Variants in MYO16 observed in about 807,000 individuals in gnomAD.
The protein encoded by MYO16 is myosin XVI, also known as unconventional myosin-XVI.
In MYO16, 94 loss-of-function variants were observed where a neutral mutation model predicts 205.3. The observed-to-expected ratio is 0.46, with a 90% CI of 0.39 to 0.54. The LOEUF is 0.54. Ranked by LOEUF, MYO16 falls within the 20% of genes least tolerant of loss-of-function variation. The pLI is 0.00. For missense variants in MYO16, 2,315 were observed against 2,387.5 expected (o/e 0.97, Z 0.63); for synonymous variants, 988 against 954.0 (o/e 1.04, Z -0.66).
intron 9 of MYO16, among the ~76,000 whole-genome samples, chr13:108,838,665 CA>C (rs36195222): frequency 0.51 from 54,571 of 106,726 alleles, 14,356 homozygotes; most frequent in Middle Eastern, 0.65. Context: ...GAGACTGTCT[CA>C]AAAAAAAAAA....
intron 28 of MYO16, among the ~76,000 whole-genome samples, chr13:109,113,146 T>C (rs923413624): frequency 5.3e-5 from 8 of 152,216 alleles, no homozygotes; most frequent in Non-Finnish European, 8.8e-5. Flanking sequence ...GGAGAGTAAG[T>C]AAGCTTGAAT....
intron 16 of MYO16, among the ~76,000 whole-genome samples, chr13:108,930,517 A>C (rs1215005991): frequency 6.6e-6 from 1 of 152,234 alleles, no homozygotes; most frequent in African/African-American, 2.4e-5. Context: ...AAGTAAAAAA[A>C]GAAAAGTCAA....
chr13:108,895,164 T>C (rs1004908717), intron 14 of MYO16, among the ~76,000 whole-genome samples: 1 of 152,072 alleles, frequency 6.6e-6, no homozygotes, highest in Admixed American at 6.6e-5. Context: ...CCATGACTTA[T>C]ATAGGGACAT....
At chr13:108,687,911 A>G (rs1470626759) in intron 2 of MYO16, among the ~76,000 whole-genome samples, 1 of 152,164 alleles carries the variant, frequency 6.6e-6, no homozygotes, top group South Asian at 2.1e-4. Context: ...GGGACAAAGG[A>G]TATTTGGACT....
chr13:109,060,501 G>GGATGGA (rs1308500458), intron 27 of MYO16, among the ~76,000 whole-genome samples: 1 of 151,982 alleles, frequency 6.6e-6, no homozygotes, highest in Admixed American at 6.6e-5. Flanking sequence ...GGGGGCAAGG[G>GGATGGA]GACGGAGACC....
intron 11 of MYO16, among the ~76,000 whole-genome samples, chr13:108,865,544 G>A (rs1233593586): frequency 6.6e-6 from 1 of 151,332 alleles, no homozygotes; most frequent in African/African-American, 2.4e-5. Flanking sequence ...TATATGTTTA[G>A]GATGTTTCTC....
At chr13:108,911,558 G>A (rs550868316) in intron 16 of MYO16, among the ~76,000 whole-genome samples, 29 of 152,260 alleles carry the variant, frequency 1.9e-4, no homozygotes, top group Non-Finnish European at 3.4e-4. Context: ...AGAGTTGTAT[G>A]GGAAAGAGGG....
intron 23 of MYO16, among the ~76,000 whole-genome samples, chr13:109,044,901 G>T (rs1886990672): frequency 1.3e-5 from 2 of 152,102 alleles, no homozygotes. Context: ...TATTGGTCAG[G>T]CTGGTCTCAA....
chr13:109,048,756 T>C (rs1424083206), intron 24 of MYO16: 2 of 155,434 alleles, frequency 1.3e-5, no homozygotes, highest in Admixed American at 6.5e-5. Flanking sequence ...GCTTATAGTA[T>C]CTAATTCAAT....
intron 27 of MYO16, among the ~76,000 whole-genome samples, chr13:109,085,774 A>G (rs1351579390): frequency 6.6e-6 from 1 of 152,210 alleles, no homozygotes; most frequent in African/African-American, 2.4e-5. Flanking sequence ...AGGGACACTG[A>G]CGATGTGTAA....
intron 5 of MYO16, among the ~76,000 whole-genome samples, chr13:108,791,455 ATAT>A (rs1229837278): frequency 6.6e-6 from 1 of 152,242 alleles, no homozygotes; most frequent in Non-Finnish European, 1.5e-5. Context: ...AGCTAAATAC[ATAT>A]TATATGTTTT....
rs112937012 is a variant in MYO16, at chr13:109,095,926, A to G, written c.3336-4859A>G. Among the ~76,000 whole-genome samples the G allele has an allele frequency of 2.9e-3, 437 of 152,278 alleles. 4 individuals carry two copies. The highest frequency in any genetic ancestry group is 0.01 in the Middle Eastern group (3 of 294). Reference sequence around the variant, plus strand: ...TTGAGTTTTACTTTTTCAGTTTTTAAGGGTAAATCTTATCCTTTTCCACTC... The same window carrying G: ...TTGAGTTTTACTTTTTCAGTTTTTAGGGGTAAATCTTATCCTTTTCCACTC... On this transcript the variant is annotated intron_variant, in intron 27 of 34. Transcript: ENST00000457511.
intron 27 of MYO16, among the ~76,000 whole-genome samples, chr13:109,093,535 A>G (rs1237115989): frequency 2.6e-5 from 4 of 152,068 alleles, no homozygotes; most frequent in African/African-American, 9.7e-5. Context: ...CAGTCACAGT[A>G]TTTCCCTCCT....
the MYO16 span, among the ~76,000 whole-genome samples, chr13:108,533,683 T>A: frequency 6.6e-6 from 1 of 152,220 alleles, no homozygotes; most frequent in East Asian, 1.9e-4. Flanking sequence ...TTCTAATTTG[T>A]ATGCTTTCCT....
At chr13:109,176,852 C>T (rs1225753502) in intron 33 of MYO16, among the ~76,000 whole-genome samples, 1 of 152,006 alleles carries the variant, frequency 6.6e-6, no homozygotes, top group Admixed American at 6.5e-5. Context: ...CATGCGACCA[C>T]CTGCCCAAGC....
At chr13:108,932,940 T>A (rs2139295314) in intron 16 of MYO16, among the ~76,000 whole-genome samples, 1 of 152,192 alleles carries the variant, frequency 6.6e-6, no homozygotes, top group East Asian at 1.9e-4. Context: ...GCTGACAATA[T>A]CTACCCCATG....
At chr13:108,989,011 A>G (rs1450910463) in intron 20 of MYO16, among the ~76,000 whole-genome samples, 2 of 152,186 alleles carry the variant, frequency 1.3e-5, no homozygotes, top group African/African-American at 4.8e-5. Context: ...CTCTGCCCTT[A>G]AGGTTATTGG....
Position 108,823,260 on chromosome 13 carries a change from C to G in MYO16, c.1079C>G (p.Pro360Arg), listed in dbSNP as rs776691379. 6.2e-7 allele frequency: 1 copy of G among 1,611,162 alleles called. No individual in the cohort carries two copies. ...EPYEEIIHDL[P>R]VLSSKLSPLV... ...TATGAAGAGATCATTCACGATCTTC[C>G]CGTACTGTCGAGTAAGCTGTAAGTG... is the stretch of plus-strand genomic sequence containing the variant. The change falls in exon 9 of 35, where the codon CCC becomes CGC. Residue 360 changes from proline (P) to arginine (R), a missense_variant. This residue lies in a region of MYO16 where 1,213 missense variants were observed against 1,274.4 expected (regional missense o/e 0.95). Coordinates refer to ENST00000457511, the MANE Select transcript of MYO16 (RefSeq NM_001198950.3).
chr13:108,779,139 C>A (rs1432280002), intron 4 of MYO16, among the ~76,000 whole-genome samples: 1 of 152,110 alleles, frequency 6.6e-6, no homozygotes, highest in African/African-American at 2.4e-5. Context: ...GTAATCCAAG[C>A]GGGGGTTTCC....
Sources: allele counts gnomAD v4.1 joint callset (sites outside exome capture counted in the v4.1 genomes callset), GRCh38; gene constraint gnomAD v4.1.1; regional missense constraint gnomAD v4.1.1; transcripts MANE v1.5; gene names NCBI Gene and HGNC (gene_info 2026-07-23, HGNC 2026-07-21).